The following MIPOL1 variants were observed in gnomAD, a reference collection of about 807,000 sequenced individuals.
MIPOL1 encodes the protein mirror-image polydactyly 1.
A neutral mutation model predicts 60.9 loss-of-function variants in MIPOL1; 57 were observed. That is an observed-to-expected ratio of 0.94 (90% confidence interval 0.76 to 1.17). The LOEUF (loss-of-function observed/expected upper bound fraction) is 1.17. MIPOL1 is among the 50% of genes most tolerant of loss of function. MIPOL1 has a pLI of 0.00. For synonymous variants in MIPOL1, 179 were observed against 168.8 expected (o/e 1.06, Z -0.47); for missense variants, 551 against 511.6 (o/e 1.08, Z -0.74).
chr14:37,282,694 A>G (rs2084217772), intron 6 of MIPOL1, among the ~76,000 whole-genome samples: 1 of 131,924 alleles, frequency 7.6e-6, no homozygotes, highest in South Asian at 2.5e-4. Context: ...GGCTGCAGTA[A>G]GGTGTAATTG....
At chr14:37,338,416 T>C (rs1181996001) in intron 9 of MIPOL1, among the ~76,000 whole-genome samples, 5 of 66 alleles carry the variant, frequency 0.076, no homozygotes, top group Admixed American at 0.17. Context: ...GGCCCCCCCT[T>C]TTTTTTTTTT....
intron 1 of MIPOL1, among the ~76,000 whole-genome samples, chr14:37,203,146 A>G (rs576355199): frequency 8.1e-4 from 124 of 152,298 alleles, no homozygotes; most frequent in South Asian, 3.5e-3. Flanking sequence ...TATTGAATTT[A>G]TTAGATTTTG....
intron 1 of MIPOL1, among the ~76,000 whole-genome samples, chr14:37,223,423 G>A (rs1320135383): frequency 2.0e-5 from 3 of 152,108 alleles, no homozygotes; most frequent in Non-Finnish European, 4.4e-5. Flanking sequence ...TATCCTGGTT[G>A]CTCTGTATAG....
chr14:37,449,510 C>G (rs867572068), intron 11 of MIPOL1, among the ~76,000 whole-genome samples: 1 of 151,982 alleles, frequency 6.6e-6, no homozygotes, highest in Non-Finnish European at 1.5e-5. Context: ...TGAAATAATT[C>G]GTTGCTTTTA....
chr14:37,489,322 A>G (rs1216204921), intron 11 of MIPOL1, among the ~76,000 whole-genome samples: 6 of 151,964 alleles, frequency 3.9e-5, no homozygotes, highest in Non-Finnish European at 8.8e-5. Flanking sequence ...TTCTTCTCTA[A>G]ACTGGTTATT....
chr14:37,444,774 C>A (rs997605111), intron 11 of MIPOL1, among the ~76,000 whole-genome samples: 13 of 152,088 alleles, frequency 8.5e-5, no homozygotes, highest in African/African-American at 3.1e-4. Flanking sequence ...GTTCAATATA[C>A]GCAAATCAGT....
intron 12 of MIPOL1, among the ~76,000 whole-genome samples, chr14:37,526,196 C>CTTTT (rs78866640): frequency 5.3e-5 from 7 of 133,114 alleles, no homozygotes; most frequent in African/African-American, 1.9e-4. Flanking sequence ...TGTATATATG[C>CTTTT]TTTTTTTTTT....
chr14:37,242,217 G>A (rs1359531781), intron 1 of MIPOL1, among the ~76,000 whole-genome samples: 1 of 151,638 alleles, frequency 6.6e-6, no homozygotes, highest in East Asian at 1.9e-4. Flanking sequence ...AATATAAAAT[G>A]AAATATAAAT....
At chr14:37,234,942 A>ATTTTTTTTTT (rs5807941) in intron 1 of MIPOL1, among the ~76,000 whole-genome samples, 1,076 of 116,700 alleles carry the variant, frequency 9.2e-3, no homozygotes, top group Non-Finnish European at 0.013. Context: ...CGTACGGCTA[A>ATTTTTTTTTT]TTTTTTTTTT....
chr14:37,363,655 C>T (rs1421040448), intron 9 of MIPOL1, among the ~76,000 whole-genome samples: 1 of 152,158 alleles, frequency 6.6e-6, no homozygotes, highest in Non-Finnish European at 1.5e-5. Context: ...AGAACCACTG[C>T]TCTCTTCAGA....
chr14:37,372,306 T>C lies in MIPOL1; in HGVS notation c.936+2682T>C, dbSNP rs181404285. On this transcript the variant is annotated intron_variant, in intron 10 of 12. Transcript: ENST00000684589. ...ATCAGTTATCACGTAAGGAAATACT[T>C]TTTAATAATCTAGTGTCATTTTAAT... 1.9e-3 allele frequency among the ~76,000 whole-genome samples: 296 copies of C among 152,264 alleles called. 2 individuals are homozygous for C. Among genetic ancestry groups the C allele is most frequent in the African/African-American group, 6.7e-3 (279 of 41,580 alleles).
At position 37,306,507 on chromosome 14, in the gene MIPOL1, G is replaced by A. The variant is rs115932642; in HGVS notation, c.624-1549G>A. ...TGTGAAGTTTATAAGCATTTTAATT[G>A]GATTTTATTGGGTAGCAGCCATAAT... On this transcript the variant is annotated intron_variant, in intron 7 of 12. Transcript: ENST00000684589. Among the ~76,000 whole-genome samples, 825 of 151,818 alleles carry A rather than the reference G, an allele frequency of 5.4e-3. 10 individuals carry two copies. Among genetic ancestry groups the A allele is most frequent in the African/African-American group, 0.019 (772 of 41,496 alleles).
intron 9 of MIPOL1, among the ~76,000 whole-genome samples, chr14:37,351,815 T>A (rs1176901664): frequency 7.0e-6 from 1 of 143,720 alleles, no homozygotes; most frequent in African/African-American, 2.6e-5. Flanking sequence ...ATTAGCCCTT[T>A]GTCAGATGAG....
chr14:37,294,478 G>A (rs896433446), intron 7 of MIPOL1, among the ~76,000 whole-genome samples: 1 of 152,206 alleles, frequency 6.6e-6, no homozygotes, highest in Non-Finnish European at 1.5e-5. Flanking sequence ...GACGAATTGA[G>A]AGAGGAAGGC....
At chr14:37,410,136 A>G (rs776887683) in intron 10 of MIPOL1, among the ~76,000 whole-genome samples, 1 of 152,236 alleles carries the variant, frequency 6.6e-6, no homozygotes, top group South Asian at 2.1e-4. Flanking sequence ...GTAGCCAGCC[A>G]AAGGAAAAAT....
rs1487960855 is a variant in MIPOL1 at position 37,375,314 on chromosome 14, T to A, written c.936+5690T>A. Reference sequence around the variant, plus strand: ...GCCTCAACCACCTTGGCTTAAGTGGTTCCCCCACCTCAGCCTCCCACATAA... The same window carrying A: ...GCCTCAACCACCTTGGCTTAAGTGGATCCCCCACCTCAGCCTCCCACATAA... On this transcript the variant is annotated intron_variant, in intron 10 of 12. Transcript: ENST00000684589. Among the ~76,000 whole-genome samples the A allele has an allele frequency of 2.6e-5, 4 of 152,052 alleles. No homozygotes were observed. In the East Asian group the frequency reaches 7.7e-4, roughly 29 times the overall value.
intron 9 of MIPOL1, among the ~76,000 whole-genome samples, chr14:37,342,761 T>C (rs944274576): frequency 6.6e-6 from 1 of 152,136 alleles, no homozygotes; most frequent in Non-Finnish European, 1.5e-5. Flanking sequence ...TCTTAGATAG[T>C]ATTACGAAGA....
chr14:37,308,172 A>G, intron 8 of MIPOL1, 83 bp downstream of exon 8: 1 of 1,359,030 alleles, frequency 7.4e-7, no homozygotes, highest in Non-Finnish European at 1.0e-6. Flanking sequence ...TTCAAGAACT[A>G]AGATGTGGGA....
intron 11 of MIPOL1, among the ~76,000 whole-genome samples, chr14:37,488,339 C>T (rs960422318): frequency 9.2e-5 from 14 of 152,044 alleles, no homozygotes; most frequent in South Asian, 2.1e-4. Flanking sequence ...CTATTAGGTC[C>T]GCTTGGTGCA....
Sources: allele counts gnomAD v4.1 joint callset (sites outside exome capture counted in the v4.1 genomes callset), GRCh38; gene constraint gnomAD v4.1.1; transcripts MANE v1.5; gene names NCBI Gene and HGNC (gene_info 2026-07-23, HGNC 2026-07-21).